PTPRD: variants seen among roughly 807,000 people sequenced by gnomAD.
PTPRD encodes protein tyrosine phosphatase receptor type D.
PTPRD carries 34 observed loss-of-function variants against 214.5 expected under a neutral mutation model. The observed-to-expected ratio is 0.16, with a 90% CI of 0.12 to 0.21. The LOEUF (loss-of-function observed/expected upper bound fraction) is 0.21, where lower values mean the gene tolerates loss of function less well. PTPRD is among the 10% of genes least tolerant of loss of function. The pLI, the probability that PTPRD is intolerant of heterozygous loss-of-function variation, is 1.00. For missense variants in PTPRD, 2,545 were observed against 2,398.7 expected (o/e 1.06, Z -1.27); for synonymous variants, 1,128 against 845.7 (o/e 1.33, Z -5.79).
chr9:9,618,035 G>A (rs1471707028), intron 7 of PTPRD, among the ~76,000 whole-genome samples: 3 of 113,876 alleles, frequency 2.6e-5, no homozygotes, highest in Non-Finnish European at 4.9e-5. Flanking sequence ...TCGCGCCACT[G>A]CACTCCAGCC....
chr9:10,087,309 AAGAT>A (rs1007573677), intron 3 of PTPRD, among the ~76,000 whole-genome samples: 3 of 151,752 alleles, frequency 2.0e-5, no homozygotes, highest in Non-Finnish European at 2.9e-5. Context: ...CTTTGGCACA[AAGAT>A]AGCATTAGGA....
chr9:10,061,748 G>T (rs2097780545), intron 3 of PTPRD, among the ~76,000 whole-genome samples: 1 of 152,084 alleles, frequency 6.6e-6, no homozygotes, highest in Non-Finnish European at 1.5e-5. Flanking sequence ...GTTTAGGGCT[G>T]CGGAATAGAT....
At position 9,430,767 on chromosome 9, in the gene PTPRD, A is replaced by G. The variant is rs756815941; in HGVS notation, c.-236-33285T>C. Among the ~76,000 whole-genome samples, 25 of 152,212 alleles carry G rather than the reference A, an allele frequency of 1.6e-4. 1 individual carries two copies. The highest frequency in any genetic ancestry group is 3.2e-4 in the Non-Finnish European group (22 of 68,030). On this transcript the variant is annotated intron_variant, in intron 8 of 45. Coordinates refer to ENST00000381196, the MANE Select transcript of PTPRD (RefSeq NM_002839.4). ...AATACCACACATCTACAACCATCTG[A>G]TCTTTGACAAATCTAACAAAAACAA...
intron 12 of PTPRD, among the ~76,000 whole-genome samples, chr9:8,700,195 T>C (rs1205083407): frequency 6.6e-6 from 1 of 152,222 alleles, no homozygotes; most frequent in African/African-American, 2.4e-5. Flanking sequence ...GGAAACTATA[T>C]AATTTGATCA....
chr9:9,178,361 C>T (rs1179592676), intron 10 of PTPRD, among the ~76,000 whole-genome samples: 1 of 150,902 alleles, frequency 6.6e-6, no homozygotes, highest in Non-Finnish European at 1.5e-5. Flanking sequence ...TCCTCACTTC[C>T]TCCTTCCTTC....
rs951960620 is a variant in PTPRD at position 9,445,426 on chromosome 9, C to A, written c.-236-47944G>T. Among the ~76,000 whole-genome samples, 5 of 152,102 alleles carry A rather than the reference C, an allele frequency of 3.3e-5. No individual in the cohort carries two copies. In the South Asian group the frequency reaches 1.0e-3, roughly 32 times the overall value. On this transcript the variant is annotated intron_variant, in intron 8 of 45. Transcript: ENST00000381196. ...TTAGAGAACAATTTTCACTTGGCAC[C>A]TGTATTAGTCCATTCTCATGCTGCT... is the stretch of plus-strand genomic sequence containing the variant.
chr9:8,899,110 C>A (rs2098644064), intron 11 of PTPRD, among the ~76,000 whole-genome samples: 1 of 152,080 alleles, frequency 6.6e-6, no homozygotes, highest in African/African-American at 2.4e-5. Flanking sequence ...AGCTGCAGAG[C>A]TAACGGAGAA....
intron 11 of PTPRD, among the ~76,000 whole-genome samples, chr9:9,011,915 G>C (rs1043121553): frequency 2.0e-5 from 3 of 152,072 alleles, no homozygotes; most frequent in African/African-American, 7.2e-5. Flanking sequence ...GTGTGGGCAG[G>C]ACCTGTGACA....
intron 5 of PTPRD, among the ~76,000 whole-genome samples, chr9:9,935,837 G>A (rs1352547801): frequency 6.7e-6 from 1 of 149,110 alleles, no homozygotes; most frequent in Non-Finnish European, 1.5e-5. Context: ...ATACTACAAG[G>A]CTACAGTAAC....
In PTPRD at chr9:9,256,638, C is replaced by A. The variant is rs187470729; in HGVS notation, c.-202-73275G>T. On this transcript the variant is annotated intron_variant, in intron 9 of 45. Transcript: ENST00000381196. ...GGATTCCTGTGTCCTAGCCTCGGTT[C>A]TTTCTATTATAAGACAGTACTTATA... Among the ~76,000 whole-genome samples, 9 of 152,038 alleles carry A rather than the reference C, an allele frequency of 5.9e-5. No homozygotes were observed. In the East Asian group the frequency reaches 9.8e-4, roughly 16 times the overall value.
chr9:8,867,217 G>A (rs1194112334), intron 11 of PTPRD, among the ~76,000 whole-genome samples: 1 of 151,076 alleles, frequency 6.6e-6, no homozygotes, highest in Non-Finnish European at 1.5e-5. Context: ...CTCTCCTTTT[G>A]TTCTCCTCCC....
At chr9:9,254,195 T>C (rs572526872) in intron 9 of PTPRD, among the ~76,000 whole-genome samples, 85 of 152,050 alleles carry the variant, frequency 5.6e-4, no homozygotes, top group Non-Finnish European at 1.1e-3. Context: ...GCACATCTTA[T>C]GGGGGCGGGG....
intron 26 of PTPRD, among the ~76,000 whole-genome samples, chr9:8,496,211 A>AC (rs1554641959): frequency 2.2e-4 from 20 of 91,438 alleles, no homozygotes; most frequent in South Asian, 1.2e-3. Flanking sequence ...CACACACACA[A>AC]ACACACACAC....
At chr9:9,619,364 G>A (rs2095094932) in intron 7 of PTPRD, among the ~76,000 whole-genome samples, 1 of 151,592 alleles carries the variant, frequency 6.6e-6, no homozygotes, top group South Asian at 2.1e-4. Context: ...TGAAGAGGAG[G>A]CTTCAAATAT....
chr9:8,969,906 T>G (rs2099226299), intron 11 of PTPRD, among the ~76,000 whole-genome samples: 1 of 152,028 alleles, frequency 6.6e-6, no homozygotes, highest in Admixed American at 6.6e-5. Flanking sequence ...CATTGCCTTT[T>G]AAATTACTAT....
At chr9:8,350,430 T>C (rs2075125067) in intron 39 of PTPRD, among the ~76,000 whole-genome samples, 1 of 152,164 alleles carries the variant, frequency 6.6e-6, no homozygotes, top group South Asian at 2.1e-4. Context: ...TGGATATAGT[T>C]CACCTATCAT....
intron 14 of PTPRD, among the ~76,000 whole-genome samples, chr9:8,614,835 T>C (rs940710535): frequency 6.6e-6 from 1 of 152,156 alleles, no homozygotes; most frequent in African/African-American, 2.4e-5. Context: ...TAGCCCTGAC[T>C]AGTCCTCATA....
chr9:8,911,077 AAC>A (rs2098743631), intron 11 of PTPRD, among the ~76,000 whole-genome samples: 1 of 152,246 alleles, frequency 6.6e-6, no homozygotes, highest in South Asian at 2.1e-4. Flanking sequence ...ACAGCATTTC[AAC>A]ACAGTCAAAA....
At chr9:9,908,054 G>T (rs1601725778) in intron 5 of PTPRD, among the ~76,000 whole-genome samples, 1 of 144,282 alleles carries the variant, frequency 6.9e-6, no homozygotes, top group Non-Finnish European at 1.5e-5. Flanking sequence ...TATACACCAA[G>T]ATTAGGATAA....
Sources: allele counts gnomAD v4.1 joint callset (sites outside exome capture counted in the v4.1 genomes callset), GRCh38; gene constraint gnomAD v4.1.1; transcripts MANE v1.5; gene names NCBI Gene and HGNC (gene_info 2026-07-23, HGNC 2026-07-21).